The following FOXN2 variants were observed in gnomAD, a reference collection of about 807,000 sequenced individuals.
FOXN2 encodes the protein forkhead box N2, also known as forkhead box protein N2.
A neutral mutation model predicts 41.2 loss-of-function variants in FOXN2; 19 were observed. The observed-to-expected ratio is 0.46, with a 90% CI of 0.32 to 0.68. The LOEUF (loss-of-function observed/expected upper bound fraction) is 0.68, where lower values mean the gene tolerates loss of function less well. Ranked by LOEUF, FOXN2 falls within the 30% of genes least tolerant of loss-of-function variation. The probability of loss-of-function intolerance (pLI) is 0.03; values close to 1 mark genes in which losing one functional copy is unlikely to be tolerated. For missense variants in FOXN2, 587 were observed against 509.4 expected (o/e 1.15, Z -1.47); for synonymous variants, 195 against 176.8 (o/e 1.10, Z -0.82).
At chr2:48,324,915 G>T (rs1302535390) in intron 1 of FOXN2, among the ~76,000 whole-genome samples, 1 of 152,176 alleles carries the variant, frequency 6.6e-6, no homozygotes, top group Non-Finnish European at 1.5e-5. Context: ...AGGAGTTGTC[G>T]TTAAATTAGG....
chr2:48,313,971 AG>A (rs1053136312), upstream of FOXN2, among the ~76,000 whole-genome samples: 1 of 152,232 alleles, frequency 6.6e-6, no homozygotes, highest in Non-Finnish European at 1.5e-5. Flanking sequence ...TGAAGTCCTT[AG>A]CTTCTGTAAA....
chr2:48,356,910 A>T (rs1298860616), intron 3 of FOXN2, among the ~76,000 whole-genome samples: 1 of 152,200 alleles, frequency 6.6e-6, no homozygotes, highest in East Asian at 1.9e-4. Flanking sequence ...AAATGAGAGA[A>T]TGCTCATTTC....
At chr2:48,329,042 T>A (rs1658012888) in intron 2 of FOXN2, among the ~76,000 whole-genome samples, 1 of 152,192 alleles carries the variant, frequency 6.6e-6, no homozygotes, top group African/African-American at 2.4e-5. Flanking sequence ...CTTTTTGAAA[T>A]CCGTGTTTCT....
At chr2:48,337,144 T>C (rs1220838054) in intron 2 of FOXN2, among the ~76,000 whole-genome samples, 1 of 151,986 alleles carries the variant, frequency 6.6e-6, no homozygotes, top group African/African-American at 2.4e-5. Flanking sequence ...ACTATCCTTC[T>C]ACTCTTAGAC....
intron 2 of FOXN2, among the ~76,000 whole-genome samples, chr2:48,336,127 G>T (rs1670332221): frequency 2.0e-5 from 3 of 152,102 alleles, no homozygotes; most frequent in Middle Eastern, 6.8e-3. Context: ...ATTGTTGCTT[G>T]GCACGGTGGC....
In FOXN2 at chr2:48,349,056, C is replaced by G. The variant is rs181699229; in HGVS notation, c.537+2305C>G. 2.0e-5 allele frequency among the ~76,000 whole-genome samples: 3 copies of G among 152,336 alleles called. No homozygotes were observed. The East Asian group carries it at 5.8e-4, about 29-fold the overall frequency. ...CCCCAGGAGCAGACAGTCTCTCCAT[C>G]TACTCAATATAGAGTCTAGAGCTGC... On this transcript the variant is annotated intron_variant, in intron 3 of 6. Coordinates refer to ENST00000340553, the MANE Select transcript of FOXN2 (RefSeq NM_002158.4).
chr2:48,341,742 AGCTT>A (rs1461552767), intron 2 of FOXN2, among the ~76,000 whole-genome samples: 2 of 152,212 alleles, frequency 1.3e-5, no homozygotes, highest in Non-Finnish European at 2.9e-5. Context: ...TCTTTTCAGC[AGCTT>A]GCTGCTTTCC....
chr2:48,370,430 C>T (rs1223720849), intron 5 of FOXN2, among the ~76,000 whole-genome samples: 1 of 152,178 alleles, frequency 6.6e-6, no homozygotes, highest in Non-Finnish European at 1.5e-5. Context: ...GTACTCTTTT[C>T]CCTCAGATAT....
At position 48,321,035 on chromosome 2, in the gene FOXN2, A is replaced by G. The variant is rs528316282; in HGVS notation, c.-157+6221A>G. On this transcript the variant is annotated intron_variant, in intron 1 of 6. Transcript: ENST00000340553. ...TTTTTTTTTAACTTGCCCCAAAGCA[A>G]TGAAGATACTGTTTCAGTTTTCTAG... Among the ~76,000 whole-genome samples the G allele has an allele frequency of 6.0e-4, 91 of 152,248 alleles. 1 individual carries two copies. Among genetic ancestry groups the G allele is most frequent in the Middle Eastern group, 3.4e-3 (1 of 294 alleles).
chr2:48,368,945 C>T (rs1672708256), intron 5 of FOXN2, among the ~76,000 whole-genome samples: 1 of 152,040 alleles, frequency 6.6e-6, no homozygotes, highest in Non-Finnish European at 1.5e-5. Context: ...ATGTTTTAAA[C>T]AAATAAGATA....
At chr2:48,321,173 A>G (rs1433590926) in intron 1 of FOXN2, among the ~76,000 whole-genome samples, 2 of 152,150 alleles carry the variant, frequency 1.3e-5, no homozygotes, top group East Asian at 1.9e-4. Flanking sequence ...ACAAGGATTT[A>G]TATTCTAGTG....
At chr2:48,340,662 T>C (rs948909450) in intron 2 of FOXN2, 9 of 152,208 alleles carry the variant, frequency 5.9e-5, no homozygotes, top group Admixed American at 4.6e-4. Flanking sequence ...TCATTTTTCT[T>C]ATTTTATTTA....
chr2:48,325,540 A>G (rs985076309), intron 1 of FOXN2, among the ~76,000 whole-genome samples: 4 of 152,196 alleles, frequency 2.6e-5, no homozygotes, highest in Admixed American at 1.3e-4. Context: ...AGGTAGTAAT[A>G]TTTGAATTTC....
chr2:48,330,311 G>A (rs1186082523), intron 2 of FOXN2, among the ~76,000 whole-genome samples: 1 of 152,068 alleles, frequency 6.6e-6, no homozygotes, highest in Non-Finnish European at 1.5e-5. Context: ...AAATTGAATG[G>A]AAATTTCTTT....
intron 4 of FOXN2, among the ~76,000 whole-genome samples, chr2:48,360,846 C>G (rs752794771): frequency 6.8e-6 from 1 of 146,062 alleles, no homozygotes; most frequent in Non-Finnish European, 1.5e-5. Flanking sequence ...AACCCTGTCT[C>G]TACCAAAAAT....
At chr2:48,345,198 T>C (rs1433842956) in intron 2 of FOXN2, among the ~76,000 whole-genome samples, 3 of 152,152 alleles carry the variant, frequency 2.0e-5, no homozygotes, top group African/African-American at 7.2e-5. Context: ...AGTTTAAAAG[T>C]ACTGGGATTT....
At chr2:48,321,063 C>T (rs910995541) in intron 1 of FOXN2, among the ~76,000 whole-genome samples, 4 of 151,982 alleles carry the variant, frequency 2.6e-5, no homozygotes, top group African/African-American at 9.7e-5. Flanking sequence ...TTTTCTAGTA[C>T]AGCATCTACT....
At chr2:48,365,560 A>G (rs563333985) in intron 5 of FOXN2, among the ~76,000 whole-genome samples, 1 of 152,256 alleles carries the variant, frequency 6.6e-6, no homozygotes, top group South Asian at 2.1e-4. Flanking sequence ...CATTTCCACA[A>G]GTTTTTGCTG....
At chr2:48,351,539 C>T (rs1484215105) in intron 3 of FOXN2, among the ~76,000 whole-genome samples, 2 of 152,136 alleles carry the variant, frequency 1.3e-5, no homozygotes, top group Non-Finnish European at 2.9e-5. Context: ...TTTCTGCTAC[C>T]TGAGGTGGGG....
Sources: gnomAD v4.1 joint callset for allele counts (sites outside exome capture counted in the v4.1 genomes callset) on GRCh38, gnomAD v4.1.1 for gene constraint, MANE v1.5 for transcripts, NCBI Gene and HGNC (gene_info 2026-07-23, HGNC 2026-07-21) for gene names.